NELL2: variants seen among roughly 807,000 people sequenced by gnomAD.
NELL2 encodes neural EGFL like 2, also known as protein kinase C-binding protein NELL2.
In NELL2, 41 loss-of-function variants were observed where a neutral mutation model predicts 109.6. The observed-to-expected ratio is 0.37, with a 90% CI of 0.29 to 0.49. The LOEUF is 0.49. Ranked by LOEUF, NELL2 falls within the 20% of genes least tolerant of loss-of-function variation. NELL2 has a pLI of 0.98. For missense variants in NELL2, 900 were observed against 1,008.3 expected (o/e 0.89, Z 1.45); for synonymous variants, 355 against 344.7 (o/e 1.03, Z -0.33).
At chr12:44,806,437 G>C (rs555566340) in intron 3 of NELL2, among the ~76,000 whole-genome samples, 8 of 151,834 alleles carry the variant, frequency 5.3e-5, no homozygotes, top group African/African-American at 1.9e-4. Context: ...ATAGTATGTA[G>C]AAAATTACAC....
In NELL2 at chr12:44,849,995, A is replaced by G. The variant is rs112559552; in HGVS notation, c.184+25230T>C. Among the ~76,000 whole-genome samples the G allele has an allele frequency of 1.5e-3, 229 of 152,296 alleles. 1 individual carries two copies. The highest frequency in any genetic ancestry group is 5.2e-3 in the African/African-American group (216 of 41,576). On this transcript the variant is annotated intron_variant, in intron 2 of 19. Coordinates refer to ENST00000429094, the MANE Select transcript of NELL2 (RefSeq NM_001145108.2). ...TGTGGGAGAGGTGGGAACTGACTAC[A>G]AAGGGGCACATGGAACTTTCCCTGG...
chr12:44,870,170 A>C (rs1945122736), intron 2 of NELL2, among the ~76,000 whole-genome samples: 1 of 152,156 alleles, frequency 6.6e-6, no homozygotes, highest in South Asian at 2.1e-4. Flanking sequence ...ATACCTAACC[A>C]ATGCTCGCTT....
chr12:44,666,962 C>T (rs1383176833), intron 12 of NELL2, among the ~76,000 whole-genome samples: 1 of 152,156 alleles, frequency 6.6e-6, no homozygotes, highest in African/African-American at 2.4e-5. Flanking sequence ...CTGACACCAT[C>T]CCAGTGGATC....
chr12:44,739,477 G>C (rs1404073229), intron 9 of NELL2, among the ~76,000 whole-genome samples: 4 of 152,168 alleles, frequency 2.6e-5, no homozygotes, highest in Non-Finnish European at 4.4e-5. Context: ...TCCACCACCA[G>C]TTTTGTACAG....
At chr12:44,669,764 A>C (rs988555123) in intron 12 of NELL2, among the ~76,000 whole-genome samples, 5 of 152,310 alleles carry the variant, frequency 3.3e-5, no homozygotes, top group Admixed American at 3.3e-4. Flanking sequence ...GGTGTCCTAT[A>C]GGAAACTATA....
Position 44,657,121 on chromosome 12 carries a change from C to G in NELL2, c.1444+8363G>C, listed in dbSNP as rs1947532550. Reference sequence around the variant, plus strand: ...ATTCTTTTCTGTAACCTTTTGCACCCAAAAATAGTATCCAAGACTCTTTTA... The same window carrying G: ...ATTCTTTTCTGTAACCTTTTGCACCGAAAAATAGTATCCAAGACTCTTTTA... On this transcript the variant is annotated intron_variant, in intron 13 of 19. Coordinates refer to ENST00000429094, the MANE Select transcript of NELL2 (RefSeq NM_001145108.2). Among the ~76,000 whole-genome samples, 4 of 152,092 alleles carry G rather than the reference C, an allele frequency of 2.6e-5. No individual in the cohort carries two copies. The South Asian group carries it at 8.3e-4, about 32-fold the overall frequency.
intron 2 of NELL2, among the ~76,000 whole-genome samples, chr12:44,840,362 T>C (rs1263451430): frequency 1.3e-5 from 2 of 152,224 alleles, no homozygotes; most frequent in Non-Finnish European, 2.9e-5. Context: ...AAAGGGCCAC[T>C]ATAACCAAAA....
At chr12:44,908,225 G>T (rs1458431557) in intron 1 of NELL2, among the ~76,000 whole-genome samples, 1 of 151,836 alleles carries the variant, frequency 6.6e-6, no homozygotes, top group Admixed American at 6.6e-5. Context: ...GAAGCTATGT[G>T]GTATAGATAA....
At chr12:44,782,391 TAAACTC>T (rs1392987788) in intron 3 of NELL2, among the ~76,000 whole-genome samples, 3 of 151,980 alleles carry the variant, frequency 2.0e-5, no homozygotes, top group African/African-American at 7.2e-5. Context: ...GTGGCAGACT[TAAACTC>T]AAGCATATAA....
intron 12 of NELL2, among the ~76,000 whole-genome samples, chr12:44,673,907 T>C (rs563163890): frequency 1.7e-4 from 26 of 152,200 alleles, no homozygotes; most frequent in African/African-American, 6.0e-4. Flanking sequence ...ATAATGTACA[T>C]AAGCTAATTA....
intron 13 of NELL2, among the ~76,000 whole-genome samples, chr12:44,643,432 T>C (rs1946933576): frequency 6.6e-6 from 1 of 152,164 alleles, no homozygotes; most frequent in Non-Finnish European, 1.5e-5. Context: ...TACGTAGGCA[T>C]TGCATGTGTA....
At chr12:44,728,245 T>C (rs1033371513) in intron 9 of NELL2, among the ~76,000 whole-genome samples, 36 of 152,048 alleles carry the variant, frequency 2.4e-4, no homozygotes, top group Admixed American at 1.9e-3. Context: ...TAGACAGTAA[T>C]TTTTTTAAAT....
At position 44,815,970 on chromosome 12, in the gene NELL2, C is replaced by T. The variant is rs1943332682; in HGVS notation, c.335+16G>A. 3 of 1,601,140 alleles carry T rather than the reference C, an allele frequency of 1.9e-6. 1 individual carries two copies. In the South Asian group the frequency reaches 3.4e-5, roughly 18 times the overall value. On this transcript the variant is annotated intron_variant, in intron 3 of 19. Coordinates refer to ENST00000429094, the MANE Select transcript of NELL2 (RefSeq NM_001145108.2). Reference sequence around the variant, plus strand: ...CATATAATGAAAACACAGGAAACTCCAGCAACCACATTTACCTGTGATCCA... The same window carrying T: ...CATATAATGAAAACACAGGAAACTCTAGCAACCACATTTACCTGTGATCCA...
intron 3 of NELL2, among the ~76,000 whole-genome samples, chr12:44,789,320 T>G (rs1942296804): frequency 6.6e-6 from 1 of 152,122 alleles, no homozygotes; most frequent in Non-Finnish European, 1.5e-5. Context: ...CAATCCCCAG[T>G]ACCAGTACCA....
rs150405769 is a variant in NELL2, at chr12:44,659,199, G to A, written c.1444+6285C>T. On this transcript the variant is annotated intron_variant, in intron 13 of 19. Coordinates refer to ENST00000429094, the MANE Select transcript of NELL2 (RefSeq NM_001145108.2). ...TCCTTACACCTGATACAAAAAGTAA[G>A]ATGGATTAAAGACTTAAACATAAGA... Among the ~76,000 whole-genome samples the A allele has an allele frequency of 6.3e-3, 960 of 151,946 alleles. 6 individuals carry two copies. Among genetic ancestry groups the A allele is most frequent in the Non-Finnish European group, 0.011 (767 of 67,788 alleles).
intron 15 of NELL2, among the ~76,000 whole-genome samples, chr12:44,598,213 T>C (rs1945048833): frequency 6.7e-6 from 1 of 149,862 alleles, no homozygotes; most frequent in African/African-American, 2.4e-5. Flanking sequence ...AGTTATCTAT[T>C]AGATGGATAG....
At chr12:44,774,678 G>A (rs761339959) in intron 9 of NELL2, 69 bp downstream of exon 9, 9 of 1,238,678 alleles carry the variant, frequency 7.3e-6, no homozygotes, top group Non-Finnish European at 9.5e-6. Context: ...AACCAATGAT[G>A]GGTGAATACT....
chr12:44,730,650 T>G (rs946414723), intron 9 of NELL2, among the ~76,000 whole-genome samples: 1 of 151,818 alleles, frequency 6.6e-6, no homozygotes, highest in African/African-American at 2.4e-5. Context: ...AAAGGGAAGT[T>G]TATAGGGGTA....
chr12:44,848,967 A>G (rs1188288425), intron 2 of NELL2, among the ~76,000 whole-genome samples: 1 of 152,212 alleles, frequency 6.6e-6, no homozygotes, highest in Non-Finnish European at 1.5e-5. Flanking sequence ...TATCTGGTTC[A>G]GTGAACTCAT....
Sources: allele counts gnomAD v4.1 joint callset (sites outside exome capture counted in the v4.1 genomes callset), GRCh38; gene constraint gnomAD v4.1.1; transcripts MANE v1.5; gene names NCBI Gene and HGNC (gene_info 2026-07-23, HGNC 2026-07-21).